Variants in SLC9A9 observed in about 807,000 individuals in gnomAD.
The protein encoded by SLC9A9 is sodium/hydrogen exchanger 9.
A neutral mutation model predicts 77.8 loss-of-function variants in SLC9A9; 62 were observed. The observed-to-expected ratio is 0.80, with a 90% CI of 0.65 to 0.98. The LOEUF (loss-of-function observed/expected upper bound fraction) is 0.98. Among genes scored for constraint, SLC9A9 ranks in the 50% least tolerant of loss-of-function variants. The pLI, the probability that SLC9A9 is intolerant of heterozygous loss-of-function variation, is 0.00. For synonymous variants in SLC9A9, 320 were observed against 283.5 expected (o/e 1.13, Z -1.29); for missense variants, 775 against 774.9 (o/e 1.00, Z 0.00).
At chr3:143,398,033 G>A (rs1247187774) in intron 12 of SLC9A9, among the ~76,000 whole-genome samples, 2 of 152,116 alleles carry the variant, frequency 1.3e-5, no homozygotes, top group African/African-American at 4.8e-5. Flanking sequence ...TTGCAAAATT[G>A]ATGGATAGGT....
intron 6 of SLC9A9, among the ~76,000 whole-genome samples, chr3:143,624,038 A>T (rs1426388057): frequency 2.0e-5 from 3 of 152,240 alleles, no homozygotes; most frequent in African/African-American, 7.2e-5. Context: ...ATTCCTGGAC[A>T]CATACACCCT....
intron 11 of SLC9A9, among the ~76,000 whole-genome samples, chr3:143,469,796 G>C (rs1001064555): frequency 2.0e-5 from 3 of 152,190 alleles, no homozygotes; most frequent in African/African-American, 7.2e-5. Context: ...TGTAATGGAG[G>C]AAGGAAATTA....
intron 12 of SLC9A9, among the ~76,000 whole-genome samples, chr3:143,427,557 T>C (rs2034430150): frequency 1.3e-5 from 2 of 152,214 alleles, no homozygotes; most frequent in African/African-American, 4.8e-5. Flanking sequence ...ACAAGCATTA[T>C]ATGCAATTTT....
At chr3:143,776,483 A>G (rs72993309) in intron 4 of SLC9A9, among the ~76,000 whole-genome samples, 7,720 of 152,274 alleles carry the variant, frequency 0.051, 631 homozygotes, top group African/African-American at 0.17. Context: ...ACTCTAATGC[A>G]CTATAAAATC....
intron 8 of SLC9A9, among the ~76,000 whole-genome samples, chr3:143,557,114 C>T (rs995552974): frequency 6.6e-6 from 1 of 152,154 alleles, no homozygotes; most frequent in Non-Finnish European, 1.5e-5. Context: ...GGGGTAGTTT[C>T]CCCCATGCTG....
intron 9 of SLC9A9, chr3:143,503,347 G>T: frequency 3.2e-6 from 1 of 308,080 alleles, no homozygotes; most frequent in South Asian, 2.8e-5. Context: ...ATCAGGAAAT[G>T]AGCTTAACAA....
intron 5 of SLC9A9, among the ~76,000 whole-genome samples, chr3:143,665,391 C>A (rs934762578): frequency 4.6e-5 from 7 of 152,084 alleles, no homozygotes; most frequent in African/African-American, 1.7e-4. Context: ...CAGGAAAGAT[C>A]TAAAATTGAC....
chr3:143,792,094 G>A (rs923599232), intron 4 of SLC9A9, among the ~76,000 whole-genome samples: 1 of 152,130 alleles, frequency 6.6e-6, no homozygotes, highest in African/African-American at 2.4e-5. Flanking sequence ...TCTGTTAAAT[G>A]AGGGTAATAA....
At chr3:143,846,517 T>TTTC (rs1420104975) in intron 1 of SLC9A9, among the ~76,000 whole-genome samples, 2 of 150,058 alleles carry the variant, frequency 1.3e-5, no homozygotes, top group Admixed American at 1.3e-4. Flanking sequence ...CTGATTGTGA[T>TTTC]TTTTTTTTTC....
chr3:143,376,761 A>G (rs868112705), intron 13 of SLC9A9, among the ~76,000 whole-genome samples: 5 of 152,200 alleles, frequency 3.3e-5, no homozygotes, highest in South Asian at 4.1e-4. Context: ...AATAAATTCA[A>G]TGTTGGCCAA....
intron 12 of SLC9A9, among the ~76,000 whole-genome samples, chr3:143,426,814 C>T (rs1277147678): frequency 6.6e-6 from 1 of 152,210 alleles, no homozygotes; most frequent in African/African-American, 2.4e-5. Context: ...CATATTAACT[C>T]ATTTAATCCT....
chr3:143,789,220 G>T (rs945818271), intron 4 of SLC9A9, among the ~76,000 whole-genome samples: 1 of 151,946 alleles, frequency 6.6e-6, no homozygotes, highest in African/African-American at 2.4e-5. Context: ...CATACTTTAC[G>T]GCCACCCTGA....
intron 4 of SLC9A9, among the ~76,000 whole-genome samples, chr3:143,779,375 G>C (rs1284901013): frequency 6.6e-6 from 1 of 151,814 alleles, no homozygotes; most frequent in Non-Finnish European, 1.5e-5. Flanking sequence ...TGGGTTTTTT[G>C]TTTGTTTGTT....
At position 143,827,449 on chromosome 3, in the gene SLC9A9, A is replaced by G. The variant is rs142217752; in HGVS notation, c.378+4570T>C. On this transcript the variant is annotated intron_variant, in intron 2 of 15. Transcript: ENST00000316549. ...TTCTACACTTTTATCTGTGTTGAGC[A>G]TGAACAAAACAAGTTTGGCATATGG... Among the ~76,000 whole-genome samples the G allele has an allele frequency of 5.9e-5, 9 of 152,346 alleles. No individual in the cohort carries two copies. The East Asian group carries it at 1.3e-3, about 23-fold the overall frequency.
rs139820532 is a variant in SLC9A9 at position 143,417,940 on chromosome 3, C to T, written c.1470-35826G>A. 9.2e-3 allele frequency among the ~76,000 whole-genome samples: 1,394 copies of T among 151,976 alleles called. 13 individuals carry two copies. Among genetic ancestry groups the T allele is most frequent in the Middle Eastern group, 0.02 (6 of 294 alleles). Reference sequence around the variant, plus strand: ...CCAGTTCAAAGAGCCTCATTCCATGCACTTCTTGTGGTCTGCTGCCATCCC... The same window carrying T: ...CCAGTTCAAAGAGCCTCATTCCATGTACTTCTTGTGGTCTGCTGCCATCCC... On this transcript the variant is annotated intron_variant, in intron 12 of 15. Coordinates refer to ENST00000316549, the MANE Select transcript of SLC9A9 (RefSeq NM_173653.4).
At chr3:143,700,843 T>C (rs929220634) in intron 4 of SLC9A9, among the ~76,000 whole-genome samples, 1 of 152,370 alleles carries the variant, frequency 6.6e-6, no homozygotes, top group South Asian at 2.1e-4. Context: ...CAGCAGGCCT[T>C]GGGCAAGACC....
At chr3:143,417,253 G>A (rs2034212220) in intron 12 of SLC9A9, among the ~76,000 whole-genome samples, 1 of 152,058 alleles carries the variant, frequency 6.6e-6, no homozygotes, top group Non-Finnish European at 1.5e-5. Context: ...ACTGCTCTCA[G>A]GACAGAAACT....
At chr3:143,728,316 G>A (rs1046914171) in intron 4 of SLC9A9, among the ~76,000 whole-genome samples, 4 of 152,168 alleles carry the variant, frequency 2.6e-5, no homozygotes, top group Non-Finnish European at 5.9e-5. Context: ...ATCTAGGAGA[G>A]CATCACTGAA....
At chr3:143,805,176 G>T (rs2008677127) in intron 2 of SLC9A9, among the ~76,000 whole-genome samples, 1 of 151,854 alleles carries the variant, frequency 6.6e-6, no homozygotes, top group Non-Finnish European at 1.5e-5. Context: ...CCTTTATTTG[G>T]ACCTTGTATC....
Sources: allele counts gnomAD v4.1 joint callset (sites outside exome capture counted in the v4.1 genomes callset), GRCh38; gene constraint gnomAD v4.1.1; transcripts MANE v1.5; gene names NCBI Gene and HGNC (gene_info 2026-07-23, HGNC 2026-07-21).